Variants in SGCZ observed in about 807,000 individuals in gnomAD.
The protein encoded by SGCZ is sarcoglycan zeta, also known as zeta-sarcoglycan.
Under a neutral mutation model 41.3 loss-of-function variants are expected in SGCZ, and 40 were observed. That is an observed-to-expected ratio of 0.97 (90% CI 0.75 to 1.26). SGCZ has a LOEUF of 1.26. Among genes scored for constraint, SGCZ ranks in the 50% most tolerant of loss-of-function variants. The probability of loss-of-function intolerance (pLI) is 0.00; values close to 1 mark genes in which losing one functional copy is unlikely to be tolerated. For missense variants in SGCZ, 552 were observed against 369.8 expected (o/e 1.49, Z -4.04); for synonymous variants, 206 against 137.5 (o/e 1.50, Z -3.49).
At chr8:14,224,728 A>C (rs1170246854) in intron 4 of SGCZ, among the ~76,000 whole-genome samples, 1 of 152,194 alleles carries the variant, frequency 6.6e-6, no homozygotes, top group Non-Finnish European at 1.5e-5. Context: ...ATAGCAAAGT[A>C]GAGAATGGAA....
intron 3 of SGCZ, among the ~76,000 whole-genome samples, chr8:14,280,307 A>C (rs1467006457): frequency 1.3e-5 from 2 of 151,870 alleles, no homozygotes; most frequent in African/African-American, 4.8e-5. Context: ...TACAGGTAGT[A>C]ATATAAATTT....
chr8:15,173,537 T>C (rs1232408916), intron 1 of SGCZ, among the ~76,000 whole-genome samples: 1 of 152,214 alleles, frequency 6.6e-6, no homozygotes, highest in Non-Finnish European at 1.5e-5. Context: ...CCTTGTATAT[T>C]ATAATATGTA....
At chr8:14,116,214 T>C (rs576561651) in intron 5 of SGCZ, among the ~76,000 whole-genome samples, 76 of 152,202 alleles carry the variant, frequency 5.0e-4, no homozygotes, top group African/African-American at 1.8e-3. Context: ...AACAAAATAT[T>C]GTATGTTCAA....
intron 1 of SGCZ, among the ~76,000 whole-genome samples, chr8:14,717,020 A>G (rs1016436134): frequency 3.3e-5 from 5 of 152,106 alleles, no homozygotes; most frequent in Admixed American, 1.3e-4. Context: ...ATGTAGTAAA[A>G]TCCACTGAGA....
chr8:14,887,535 C>T (rs1342944028), intron 1 of SGCZ, among the ~76,000 whole-genome samples: 1 of 152,028 alleles, frequency 6.6e-6, no homozygotes, highest in Non-Finnish European at 1.5e-5. Flanking sequence ...AACATTCCAT[C>T]AAAAATAGCA....
intron 1 of SGCZ, among the ~76,000 whole-genome samples, chr8:15,186,578 G>C (rs1800352360): frequency 6.6e-6 from 1 of 152,114 alleles, no homozygotes; most frequent in African/African-American, 2.4e-5. Context: ...ATATCTATTT[G>C]TTGATTCCCA....
At chr8:14,402,097 T>C (rs1799093625) in intron 2 of SGCZ, among the ~76,000 whole-genome samples, 2 of 152,196 alleles carry the variant, frequency 1.3e-5, no homozygotes, top group African/African-American at 2.4e-5. Context: ...TTTTGAGAAG[T>C]GTCTGTTCAT....
intron 1 of SGCZ, among the ~76,000 whole-genome samples, chr8:14,733,867 T>A (rs1158653633): frequency 1.3e-5 from 2 of 152,212 alleles, no homozygotes; most frequent in African/African-American, 4.8e-5. Flanking sequence ...CCACATTTGT[T>A]AATCGTATAC....
chr8:14,159,882 T>C (rs1007821879), intron 5 of SGCZ, among the ~76,000 whole-genome samples: 8 of 152,060 alleles, frequency 5.3e-5, no homozygotes, highest in South Asian at 2.1e-4. Context: ...CCAGAAGATA[T>C]TGATTGGAAC....
chr8:14,526,088 C>T (rs1264045470), intron 2 of SGCZ, among the ~76,000 whole-genome samples: 3 of 152,158 alleles, frequency 2.0e-5, no homozygotes, highest in Middle Eastern at 3.4e-3. Flanking sequence ...AGAAACTTTG[C>T]TGAAAGTGCA....
chr8:14,896,366 C>T (rs995343099), intron 1 of SGCZ, among the ~76,000 whole-genome samples: 3 of 152,180 alleles, frequency 2.0e-5, no homozygotes, highest in Non-Finnish European at 4.4e-5. Flanking sequence ...ATGGCACTGA[C>T]TCTGGTGTCA....
At chr8:14,428,667 G>C (rs1005661220) in intron 2 of SGCZ, among the ~76,000 whole-genome samples, 1 of 152,110 alleles carries the variant, frequency 6.6e-6, no homozygotes, top group Admixed American at 6.5e-5. Flanking sequence ...CAGCAGAATC[G>C]GTTACGTGCA....
intron 2 of SGCZ, among the ~76,000 whole-genome samples, chr8:14,357,725 A>G (rs1803348026): frequency 6.6e-6 from 1 of 152,200 alleles, no homozygotes; most frequent in Non-Finnish European, 1.5e-5. Context: ...CAACGTTAGC[A>G]AATGGGTAAC....
At chr8:14,412,165 G>T (rs1025089780) in intron 2 of SGCZ, among the ~76,000 whole-genome samples, 1 of 152,058 alleles carries the variant, frequency 6.6e-6, no homozygotes, top group Admixed American at 6.6e-5. Context: ...GTAATGTAAA[G>T]ATAACTATGG....
chr8:14,419,597 C>CA (rs1018392864), intron 2 of SGCZ, among the ~76,000 whole-genome samples: 9 of 151,762 alleles, frequency 5.9e-5, no homozygotes, highest in Admixed American at 3.3e-4. Flanking sequence ...TGACATGCTA[C>CA]AAAAAAGGCC....
intron 2 of SGCZ, among the ~76,000 whole-genome samples, chr8:14,395,044 C>G (rs143699698): frequency 6.6e-6 from 1 of 152,124 alleles, no homozygotes; most frequent in Non-Finnish European, 1.5e-5. Flanking sequence ...CTACCTCAGA[C>G]AATTCTGAAG....
chr8:14,103,353 A>G (rs563401716), intron 6 of SGCZ, among the ~76,000 whole-genome samples: 1 of 152,194 alleles, frequency 6.6e-6, no homozygotes, highest in African/African-American at 2.4e-5. Flanking sequence ...GGATCCATGC[A>G]CTGGTCTTTT....
intron 1 of SGCZ, among the ~76,000 whole-genome samples, chr8:14,945,741 T>G (rs1800422412): frequency 2.0e-5 from 3 of 151,630 alleles, no homozygotes; most frequent in Admixed American, 2.0e-4. Flanking sequence ...CTCCCTCTCC[T>G]GAAGCTGGGA....
chr8:14,642,369 G>T (rs1807055312), intron 1 of SGCZ, among the ~76,000 whole-genome samples: 1 of 151,404 alleles, frequency 6.6e-6, no homozygotes, highest in African/African-American at 2.4e-5. Flanking sequence ...TCTAAGAGAT[G>T]GTCACACCCA....
Sources: gnomAD v4.1 joint callset for allele counts (sites outside exome capture counted in the v4.1 genomes callset) on GRCh38, gnomAD v4.1.1 for gene constraint, MANE v1.5 for transcripts, NCBI Gene and HGNC (gene_info 2026-07-23, HGNC 2026-07-21) for gene names.